LRP1B: variants seen among roughly 807,000 people sequenced by gnomAD.
The protein encoded by LRP1B is LDL receptor related protein 1B.
LRP1B carries 217 observed loss-of-function variants against 556.6 expected under a neutral mutation model. The ratio of observed to expected loss-of-function variants is 0.39; its 90% CI spans 0.35 to 0.44. The LOEUF is 0.44. Ranked by LOEUF, LRP1B falls within the 20% of genes least tolerant of loss-of-function variation. The pLI, the probability that LRP1B is intolerant of heterozygous loss-of-function variation, is 1.00. For missense variants in LRP1B, 5,053 were observed against 5,620.8 expected (o/e 0.90, Z 3.23); for synonymous variants, 2,047 against 1,865.8 (o/e 1.10, Z -2.50).
intron 78 of LRP1B, among the ~76,000 whole-genome samples, chr2:140,334,792 A>G (rs1333731509): frequency 2.0e-5 from 3 of 152,076 alleles, no homozygotes; most frequent in Non-Finnish European, 2.9e-5. Context: ...ATTGTATACT[A>G]TGATGTACTA....
intron 31 of LRP1B, among the ~76,000 whole-genome samples, chr2:140,828,423 C>T (rs369544306): frequency 1.3e-5 from 2 of 148,528 alleles, no homozygotes; most frequent in Non-Finnish European, 3.0e-5. Flanking sequence ...TCCTGGCTAA[C>T]ACGGTGAAAC....
At chr2:140,935,222 G>T (rs1192047700) in intron 20 of LRP1B, among the ~76,000 whole-genome samples, 2 of 151,994 alleles carry the variant, frequency 1.3e-5, no homozygotes, top group Admixed American at 6.6e-5. Flanking sequence ...ACTAGACAAA[G>T]AATTTAAAAC....
intron 43 of LRP1B, among the ~76,000 whole-genome samples, chr2:140,577,781 T>C (rs1681591226): frequency 6.6e-6 from 1 of 152,152 alleles, no homozygotes; most frequent in African/African-American, 2.4e-5. Context: ...GAATTCCTTA[T>C]TTTTTAAATT....
At chr2:141,227,899 G>T (rs149391619) in intron 6 of LRP1B, among the ~76,000 whole-genome samples, 1 of 151,594 alleles carries the variant, frequency 6.6e-6, no homozygotes, top group Non-Finnish European at 1.5e-5. Context: ...CTTCTTTTCC[G>T]CTTGATTGTA....
At chr2:141,607,799 T>C (rs1687971360) in intron 2 of LRP1B, among the ~76,000 whole-genome samples, 2 of 152,106 alleles carry the variant, frequency 1.3e-5, no homozygotes, top group Admixed American at 1.3e-4. Flanking sequence ...GTTGCACATC[T>C]GTCGTCCCAG....
chr2:141,197,534 A>G (rs1681807502), intron 6 of LRP1B, among the ~76,000 whole-genome samples: 1 of 152,118 alleles, frequency 6.6e-6, no homozygotes, highest in Admixed American at 6.6e-5. Context: ...AAAAGAACAT[A>G]TATGATATAA....
At chr2:140,315,675 C>A (rs17477145) in intron 82 of LRP1B, among the ~76,000 whole-genome samples, 43,595 of 152,152 alleles carry the variant, frequency 0.29, 7,623 homozygotes, top group Non-Finnish European at 0.4. Context: ...ATAATATGGA[C>A]AAACATAGCT....
At chr2:141,884,865 G>A (rs144608738) in intron 1 of LRP1B, among the ~76,000 whole-genome samples, 7 of 152,196 alleles carry the variant, frequency 4.6e-5, no homozygotes, top group African/African-American at 4.8e-5. Context: ...ACACTAACCC[G>A]GTGAATAGGA....
chr2:141,619,032 G>T (rs1035685822), intron 2 of LRP1B, among the ~76,000 whole-genome samples: 1 of 152,136 alleles, frequency 6.6e-6, no homozygotes, highest in South Asian at 2.1e-4. Flanking sequence ...ATCTCCCAAG[G>T]CTGTCTTGAA....
rs139026346 is a variant in LRP1B, at chr2:140,371,256, T to C, written c.10798A>G (p.Ile3600Val). The C allele has an allele frequency of 6.4e-5, 102 of 1,590,816 alleles. 1 individual carries two copies. Among genetic ancestry groups the C allele is most frequent in the Admixed American group, 5.8e-4 (33 of 57,010 alleles). ...ASPTCSSREY[I>V]CASDGCISAS... ...GAAATACATCCATCACTGGCACATA[T>C]ATATTCACGTGATGAGCAAGTAGGA... is the stretch of plus-strand genomic sequence containing the variant. The change falls in exon 70 of 91, where the codon ATA becomes GTA. Residue 3600 changes from isoleucine to valine, a missense_variant. By Grantham distance (29) the Ile-to-Val change is conservative. Coordinates refer to ENST00000389484, the MANE Select transcript of LRP1B (RefSeq NM_018557.3).
At chr2:141,520,629 G>A (rs1448652902) in intron 2 of LRP1B, among the ~76,000 whole-genome samples, 2 of 152,020 alleles carry the variant, frequency 1.3e-5, no homozygotes, top group African/African-American at 2.4e-5. Context: ...TGGTAAACGG[G>A]TCGGGAGAGG....
At chr2:141,717,792 T>C (rs1159185370) in intron 2 of LRP1B, among the ~76,000 whole-genome samples, 6 of 152,212 alleles carry the variant, frequency 3.9e-5, no homozygotes, top group Non-Finnish European at 7.3e-5. Flanking sequence ...AATTTTGGAA[T>C]AAGTAAAGAT....
chr2:141,116,879 T>G (rs935554181), intron 7 of LRP1B, among the ~76,000 whole-genome samples: 4 of 152,112 alleles, frequency 2.6e-5, no homozygotes, highest in African/African-American at 9.7e-5. Context: ...TGGATTTTCC[T>G]TGGATTGCAT....
chr2:141,576,571 T>C (rs116534482), intron 2 of LRP1B, among the ~76,000 whole-genome samples: 1,636 of 152,096 alleles, frequency 0.011, 10 homozygotes, highest in Middle Eastern at 0.017. Flanking sequence ...TCTTTTTTTT[T>C]AGAAGAAGAA....
chr2:140,479,034 A>C (rs2105353133), intron 59 of LRP1B, among the ~76,000 whole-genome samples: 1 of 152,102 alleles, frequency 6.6e-6, no homozygotes, highest in Non-Finnish European at 1.5e-5. Context: ...CTATTTAAGT[A>C]TTCGTCAAGC....
At chr2:140,954,800 AT>A (rs573101605) in intron 18 of LRP1B, among the ~76,000 whole-genome samples, 146 of 152,132 alleles carry the variant, frequency 9.6e-4, no homozygotes, top group Middle Eastern at 3.4e-3. Context: ...TATGTGATTA[AT>A]TTTTTAATGA....
chr2:141,790,253 T>C (rs373847233), intron 2 of LRP1B, among the ~76,000 whole-genome samples: 8 of 151,986 alleles, frequency 5.3e-5, no homozygotes, highest in Middle Eastern at 3.4e-3. Context: ...TTAAAATAAA[T>C]GTATTCTTTT....
intron 3 of LRP1B, among the ~76,000 whole-genome samples, chr2:141,324,295 T>C (rs189323362): frequency 3.3e-5 from 5 of 152,278 alleles, no homozygotes; most frequent in Admixed American, 3.3e-4. Context: ...CTCTTTCCTT[T>C]ATATAATGAA....
At chr2:141,624,556 A>G (rs1205025187) in intron 2 of LRP1B, among the ~76,000 whole-genome samples, 1 of 152,166 alleles carries the variant, frequency 6.6e-6, no homozygotes, top group East Asian at 1.9e-4. Context: ...TTCCCTGTTT[A>G]TAAGTTTTAT....
Sources: allele counts gnomAD v4.1 joint callset (sites outside exome capture counted in the v4.1 genomes callset), GRCh38; gene constraint gnomAD v4.1.1; transcripts MANE v1.5; gene names NCBI Gene and HGNC (gene_info 2026-07-23, HGNC 2026-07-21).